SYT1: variants seen among roughly 807,000 people sequenced by gnomAD.
The protein encoded by SYT1 is synaptotagmin 1.
In SYT1, 8 loss-of-function variants were observed where a neutral mutation model predicts 44.8. That is an observed-to-expected ratio of 0.18 (90% CI 0.10 to 0.32). The LOEUF is 0.32. SYT1 is among the 10% of genes least tolerant of loss of function. The pLI is 1.00. For synonymous variants in SYT1, 154 were observed against 188.8 expected, an observed-to-expected ratio of 0.82 and a Z score of 1.51; for missense variants, 286 against 509.3, an observed-to-expected ratio of 0.56 and a Z score of 4.22.
At chr12:79,231,706 A>G (rs1875879912) in intron 4 of SYT1, among the ~76,000 whole-genome samples, 1 of 152,162 alleles carries the variant, frequency 6.6e-6, no homozygotes, top group Non-Finnish European at 1.5e-5. Context: ...TTAATTATTT[A>G]ATGTAAAATG....
At chr12:79,180,492 AAAAG>A (rs1872465855) in intron 3 of SYT1, among the ~76,000 whole-genome samples, 1 of 148,266 alleles carries the variant, frequency 6.7e-6, no homozygotes, top group East Asian at 2.0e-4. Context: ...TTTTTTTAAA[AAAAG>A]GAGTTTTAAT....
At chr12:79,141,232 T>C (rs983522324) in intron 3 of SYT1, among the ~76,000 whole-genome samples, 1 of 152,186 alleles carries the variant, frequency 6.6e-6, no homozygotes, top group Admixed American at 6.5e-5. Context: ...ATTCAGTCTA[T>C]ACATTGGTAC....
chr12:79,118,047 T>G (rs925460518), intron 3 of SYT1, among the ~76,000 whole-genome samples: 25 of 152,078 alleles, frequency 1.6e-4, no homozygotes, highest in African/African-American at 6.0e-4. Context: ...CCCTTGGTCC[T>G]TTTGACCTCC....
chr12:79,118,198 A>G (rs1879405307), intron 3 of SYT1, among the ~76,000 whole-genome samples: 1 of 152,146 alleles, frequency 6.6e-6, no homozygotes, highest in South Asian at 2.1e-4. Context: ...GTACTTGTGA[A>G]CAGCATATTA....
intron 5 of SYT1, among the ~76,000 whole-genome samples, chr12:79,288,729 G>C (rs1034647498): frequency 1.3e-5 from 2 of 152,146 alleles, no homozygotes; most frequent in African/African-American, 4.8e-5. Flanking sequence ...GGTCTGGAAA[G>C]GTCATTTCTC....
chr12:79,076,512 A>T (rs982028186), intron 3 of SYT1, among the ~76,000 whole-genome samples: 2 of 152,196 alleles, frequency 1.3e-5, no homozygotes, highest in East Asian at 3.8e-4. Context: ...GTAGGTGAAT[A>T]CATAAAAAGT....
intron 2 of SYT1, among the ~76,000 whole-genome samples, chr12:79,029,214 G>C (rs1480672785): frequency 6.6e-6 from 1 of 150,946 alleles, no homozygotes; most frequent in Non-Finnish European, 1.5e-5. Context: ...TTGTTTTATA[G>C]CCTTTGTTAA....
chr12:79,226,531 A>G (rs928788741), intron 4 of SYT1, among the ~76,000 whole-genome samples: 1 of 152,162 alleles, frequency 6.6e-6, no homozygotes, highest in Non-Finnish European at 1.5e-5. Context: ...GAAATAACAG[A>G]ATGTCAAAGA....
chr12:78,870,747 C>T (rs1421441232), intron 1 of SYT1, among the ~76,000 whole-genome samples: 3 of 151,954 alleles, frequency 2.0e-5, no homozygotes, highest in Non-Finnish European at 4.4e-5. Flanking sequence ...ACTTGAGGCT[C>T]ATTTCCGCTG....
chr12:78,906,544 A>G (rs1875990940), intron 1 of SYT1, among the ~76,000 whole-genome samples: 1 of 152,172 alleles, frequency 6.6e-6, no homozygotes, highest in Admixed American at 6.6e-5. Context: ...AAAAGGCCGT[A>G]ACAGCAGTAA....
chr12:78,890,281 A>T (rs1469025492), intron 1 of SYT1, among the ~76,000 whole-genome samples: 3 of 151,916 alleles, frequency 2.0e-5, no homozygotes, highest in African/African-American at 7.2e-5. Context: ...CATATTAGAG[A>T]TGAATTTCCA....
intron 1 of SYT1, among the ~76,000 whole-genome samples, chr12:78,963,230 T>G (rs1160789710): frequency 6.6e-6 from 1 of 152,090 alleles, no homozygotes; most frequent in East Asian, 1.9e-4. Context: ...AATATGTTTA[T>G]CATAGGGAAA....
intron 3 of SYT1, among the ~76,000 whole-genome samples, chr12:79,052,150 C>T (rs531755043): frequency 9.3e-4 from 142 of 152,162 alleles, no homozygotes; most frequent in African/African-American, 3.2e-3. Context: ...TTGATTCTTC[C>T]TACCCACGAG....
chr12:79,045,272 G>A (rs1038619487), intron 2 of SYT1, among the ~76,000 whole-genome samples: 1 of 152,218 alleles, frequency 6.6e-6, no homozygotes, highest in African/African-American at 2.4e-5. Flanking sequence ...CAATCAGCGA[G>A]ACTACGTGGG....
intron 1 of SYT1, among the ~76,000 whole-genome samples, chr12:78,892,357 C>G (rs1201643593): frequency 6.6e-6 from 1 of 151,680 alleles, no homozygotes; most frequent in Non-Finnish European, 1.5e-5. Context: ...TAATACTACT[C>G]AGAAATTAGC....
chr12:79,245,502 G>GA lies in SYT1; in HGVS notation c.166+27827dup, dbSNP rs902958544. Among the ~76,000 whole-genome samples the GA allele has an allele frequency of 5.6e-3, 723 of 130,222 alleles. 7 individuals are homozygous for GA. The highest frequency in any genetic ancestry group is 0.019 in the African/African-American group (654 of 35,084). 85.4% of individuals were successfully genotyped at this position (130,222 alleles called of 152,430 possible). ...AAAAAAAAAAAAAGAAAAGAAAAAA[G>GA]AAAAAAAAAACTTCATTATGTATGT... On this transcript the variant is annotated intron_variant, in intron 4 of 10. Coordinates refer to ENST00000261205, the MANE Select transcript of SYT1 (RefSeq NM_005639.3).
rs149492148 is a variant in SYT1, at chr12:79,170,444, G to T, written c.-17-47059G>T. 7.4e-3 allele frequency among the ~76,000 whole-genome samples: 1,126 copies of T among 152,134 alleles called. 13 individuals carry two copies. The highest frequency in any genetic ancestry group is 0.026 in the African/African-American group (1,076 of 41,524). ...TGGTTTTGATTTGCATTTCTCTAAT[G>T]ATCAGTAATGTCGAACTTTTTTTAT... On this transcript the variant is annotated intron_variant, in intron 3 of 10. Transcript: ENST00000261205.
At chr12:78,928,547 T>A (rs1019537587) in intron 1 of SYT1, among the ~76,000 whole-genome samples, 1 of 152,140 alleles carries the variant, frequency 6.6e-6, no homozygotes, top group African/African-American at 2.4e-5. Flanking sequence ...GTTTGGCATA[T>A]CCAAATTCTC....
chr12:79,363,063 C>T (rs1883380003), intron 9 of SYT1, among the ~76,000 whole-genome samples: 1 of 152,112 alleles, frequency 6.6e-6, no homozygotes, highest in African/African-American at 2.4e-5. Context: ...ACTAATCCAA[C>T]CCAGAATGCT....
Sources: gnomAD v4.1 joint callset for allele counts (sites outside exome capture counted in the v4.1 genomes callset) on GRCh38, gnomAD v4.1.1 for gene constraint, MANE v1.5 for transcripts, NCBI Gene and HGNC (gene_info 2026-07-23, HGNC 2026-07-21) for gene names.